Variants in NID2 observed in about 807,000 individuals in gnomAD.
NID2 encodes the protein nidogen-2.
A neutral mutation model predicts 145.4 loss-of-function variants in NID2; 83 were observed. The observed-to-expected ratio is 0.57, with a 90% CI of 0.48 to 0.69. NID2 has a LOEUF of 0.69. NID2 is among the 30% of genes least tolerant of loss of function. The probability of loss-of-function intolerance (pLI) is 0.00; values close to 1 mark genes in which losing one functional copy is unlikely to be tolerated. For missense variants in NID2, 1,807 were observed against 1,765.7 expected (o/e 1.02, Z -0.42); for synonymous variants, 739 against 701.3 (o/e 1.05, Z -0.85).
chr14:52,038,228 A>T (rs1200554813), intron 9 of NID2, among the ~76,000 whole-genome samples: 3 of 152,208 alleles, frequency 2.0e-5, no homozygotes, highest in African/African-American at 4.8e-5. Flanking sequence ...TGTTCTGGGA[A>T]TCATGGAGGG....
At chr14:52,046,523 G>C (rs1028762976) in intron 5 of NID2, among the ~76,000 whole-genome samples, 34 of 152,126 alleles carry the variant, frequency 2.2e-4, no homozygotes, top group Non-Finnish European at 7.4e-5. Context: ...AGATGGAGGA[G>C]AGACAGTCTA....
At chr14:52,043,216 G>C (rs1340789781) in intron 5 of NID2, among the ~76,000 whole-genome samples, 1 of 152,190 alleles carries the variant, frequency 6.6e-6, no homozygotes, top group East Asian at 1.9e-4. Flanking sequence ...AAACCAGTAA[G>C]TACATGTTAG....
intron 18 of NID2, chr14:52,009,645 CAA>C (rs1048194249): frequency 9.9e-5 from 15 of 152,100 alleles, no homozygotes; most frequent in African/African-American, 3.6e-4. Context: ...GAGACATGGC[CAA>C]AGTTTCATTG....
At position 52,027,222 on chromosome 14, in the gene NID2, C is replaced by T. The variant is rs145035848; in HGVS notation, c.2653G>A (p.Gly885Ser). The T allele has an allele frequency of 8.7e-5, 136 of 1,562,706 alleles. No individual in the cohort carries two copies. Among genetic ancestry groups the T allele is most frequent in the Admixed American group, 3.8e-4 (20 of 52,400 alleles). ...FSCACLPGYA[G>S]DGHQCTDVDE... ...TCACCAGTGCACTGGTGCCCATCGC[C>T]GGCATAACCAGGCAGGCAGGCACAG... The change falls in exon 12 of 22, where the codon GGC (glycine) becomes AGC (serine). Residue 885 changes from glycine to serine, a missense_variant. Gly to Ser is a moderately conservative substitution (Grantham distance 56). Coordinates refer to ENST00000216286, the MANE Select transcript of NID2 (RefSeq NM_007361.4).
rs1003547711 is a variant in NID2, at chr14:52,054,219, G to T, written c.870C>A (p.Ala290=). The part of the protein sequence containing the change: ...RPAAVGDLSA[A]HSSVPLGRSF... ...AACGTCCCAGGGGAACAGAAGAGTGGGCAGCGGAAAGGTCTCCAACTGCAG... is the reference window on the plus strand; with the variant it reads ...AACGTCCCAGGGGAACAGAAGAGTGTGCAGCGGAAAGGTCTCCAACTGCAG... Residue 290 remains alanine (A), a synonymous_variant, in exon 4 of 22, where the codon GCC becomes GCA. Coordinates refer to ENST00000216286, the MANE Select transcript of NID2 (RefSeq NM_007361.4). 1.6e-5 allele frequency: 26 copies of T among 1,614,026 alleles called. No homozygotes were observed. The highest frequency in any genetic ancestry group is 2.7e-5 in the African/African-American group (2 of 74,910).
In NID2 at chr14:52,015,233, T is replaced by C. The variant is rs1307782788; in HGVS notation, c.3071A>G (p.Glu1024Gly). 3 of 1,613,648 alleles carry C rather than the reference T, an allele frequency of 1.9e-6. No homozygotes were observed. In the East Asian group the frequency reaches 6.7e-5, roughly 36 times the overall value. Residue 1024 changes from glutamate (E) to glycine (G), a missense_variant, in exon 15 of 22, where the codon GAA becomes GGA. Transcript: ENST00000216286. ...GCCACCGTAGTGCTCCAGCAGGTTT[T>C]CCCTCCAGCGCTCACAGATGGTCGG... ...RPPTICERWR[E>G]NLLEHYGGTP...
At position 52,060,109 on chromosome 14, in the gene NID2, C is replaced by T; in HGVS notation, c.767+15G>A. Reference sequence around the variant, plus strand: ...ATATTCAAATAGGAAAGGGCTTCAGCTCAATGTTACTTACTGATAGAGATT... The same window carrying T: ...ATATTCAAATAGGAAAGGGCTTCAGTTCAATGTTACTTACTGATAGAGATT... On this transcript the variant is annotated intron_variant, in intron 3 of 21. Coordinates refer to ENST00000216286, the MANE Select transcript of NID2 (RefSeq NM_007361.4). The T allele has an allele frequency of 6.4e-7, 1 of 1,568,796 alleles. No homozygotes were observed. The highest frequency in any genetic ancestry group is 8.7e-7 in the Non-Finnish European group (1 of 1,143,114).
Position 52,014,459 on chromosome 14 carries a change from G to C in NID2, c.3251-3C>G. ...GGGTGGAGCGACGGTGGGTATACCT[G>C]TGGGAGAGAGGGTGGGAGAGCAGGA... On this transcript the variant is annotated splice_polypyrimidine_tract_variant and splice_region_variant and intron_variant, in intron 15 of 21. Coordinates refer to ENST00000216286, the MANE Select transcript of NID2 (RefSeq NM_007361.4). 2 of 1,603,790 alleles carry C rather than the reference G, an allele frequency of 1.2e-6. No individual in the cohort carries two copies. The highest frequency in any genetic ancestry group is 1.7e-6 in the Non-Finnish European group (2 of 1,174,266).
rs371163368 is a variant in NID2 at position 52,014,196 on chromosome 14, A to C, written c.3420+91T>G. ...CAGAAACCCTCCAGGACTTCCCTGCACCAGTCCACCTCACTGCAACAGGGC... is the reference window on the plus strand; with the variant it reads ...CAGAAACCCTCCAGGACTTCCCTGCCCCAGTCCACCTCACTGCAACAGGGC... On this transcript the variant is annotated intron_variant, in intron 16 of 21. Transcript: ENST00000216286. 90 of 1,534,564 alleles carry C rather than the reference A, an allele frequency of 5.9e-5. No homozygotes were observed. The African/African-American group carries it at 1.1e-3, about 19-fold the overall frequency.
intron 5 of NID2, among the ~76,000 whole-genome samples, chr14:52,050,778 T>C (rs1892654601): frequency 6.6e-6 from 1 of 152,150 alleles, no homozygotes. Flanking sequence ...CGGCTAATTT[T>C]TAAAATTGTT....
intron 5 of NID2, among the ~76,000 whole-genome samples, chr14:52,046,321 T>G (rs1174616887): frequency 2.0e-4 from 1 of 5,108 alleles, no homozygotes; most frequent in Admixed American, 4.2e-3. Flanking sequence ...AGACTCCATC[T>G]CAAAAAAAAA....
At chr14:52,040,616 C>A (rs74049361) in intron 8 of NID2, 35 bp downstream of exon 8, 1 of 1,572,998 alleles carries the variant, frequency 6.4e-7, no homozygotes, top group Non-Finnish European at 8.7e-7. Context: ...GGGCATAATC[C>A]CCATTTTACA....
intron 14 of NID2, among the ~76,000 whole-genome samples, chr14:52,016,324 G>A (rs1340404176): frequency 3.9e-5 from 6 of 152,210 alleles, no homozygotes; most frequent in African/African-American, 1.4e-4. Context: ...CACATGGTCT[G>A]CAGAATCACA....
intron 2 of NID2, among the ~76,000 whole-genome samples, chr14:52,063,775 T>C (rs1441267786): frequency 6.6e-6 from 1 of 152,138 alleles, no homozygotes; most frequent in East Asian, 1.9e-4. Flanking sequence ...TAACCTCCAT[T>C]CCTTAGTGTA....
Position 52,040,727 on chromosome 14 carries a change from G to T in NID2, c.1950C>A (p.Gly650=), listed in dbSNP as rs1385786423. The change falls in exon 8 of 22, where the codon GGC becomes GGA. Residue 650 remains glycine, a synonymous_variant. Coordinates refer to ENST00000216286, the MANE Select transcript of NID2 (RefSeq NM_007361.4). ...AATTTGCTGAGACGTAAGGCACCTG[G>T]CCTTGAATGTTGGTCTTAATGCTCA... is the stretch of plus-strand genomic sequence containing the variant. The part of the protein sequence containing the change: ...NYLSIKTNIQ[G]QVPYVSANFT... 39 of 1,614,128 alleles carry T rather than the reference G, an allele frequency of 2.4e-5. No homozygotes were observed. The highest frequency in any genetic ancestry group is 3.2e-5 in the Non-Finnish European group (38 of 1,180,010).
At position 52,011,688 on chromosome 14, in the gene NID2, G is replaced by A. The variant is rs761372532; in HGVS notation, c.3421-5C>T. The A allele has an allele frequency of 6.2e-7, 1 of 1,614,104 alleles. No homozygotes were observed. Among genetic ancestry groups the A allele is most frequent in the South Asian group, 1.1e-5 (1 of 91,084 alleles). The stretch of plus-strand genomic sequence containing the variant: ...AATTCCCACGATTATGGAGCCCTTT[G>A]TGCATCAAATCATAGAATTAGAAGA... On this transcript the variant is annotated splice_polypyrimidine_tract_variant and splice_region_variant and intron_variant, in intron 16 of 21. Coordinates refer to ENST00000216286, the MANE Select transcript of NID2 (RefSeq NM_007361.4).
At chr14:52,016,786 C>T (rs563682134) in intron 14 of NID2, among the ~76,000 whole-genome samples, 1 of 152,316 alleles carries the variant, frequency 6.6e-6, no homozygotes, top group South Asian at 2.1e-4. Flanking sequence ...GTTCAAAACC[C>T]TCCAGTGACT....
At chr14:52,007,497 G>A (rs1497079) in intron 19 of NID2, 52,021 of 315,868 alleles carry the variant, frequency 0.16, 5,681 homozygotes, top group East Asian at 0.5. Context: ...CCCTCTCCCC[G>A]CATAAGAATA....
intron 9 of NID2, among the ~76,000 whole-genome samples, chr14:52,036,147 G>T (rs1892062807): frequency 6.6e-6 from 1 of 152,082 alleles, no homozygotes; most frequent in Admixed American, 6.6e-5. Context: ...AATTAACCCT[G>T]TACCCTTTAG....
Sources: gnomAD v4.1 joint callset for allele counts (sites outside exome capture counted in the v4.1 genomes callset) on GRCh38, gnomAD v4.1.1 for gene constraint, MANE v1.5 for transcripts, NCBI Gene and HGNC (gene_info 2026-07-23, HGNC 2026-07-21) for gene names.